The following JAKMIP1 variants were observed in gnomAD, a reference collection of about 807,000 sequenced individuals.
The protein encoded by JAKMIP1 is janus kinase and microtubule-interacting protein 1.
A neutral mutation model predicts 113.0 loss-of-function variants in JAKMIP1; 33 were observed. The observed-to-expected ratio is 0.29, with a 90% CI of 0.22 to 0.39. The LOEUF is 0.39. JAKMIP1 is among the 10% of genes least tolerant of loss of function. The pLI is 1.00. For missense variants in JAKMIP1, 813 were observed against 1,080.5 expected (o/e 0.75, Z 3.47); for synonymous variants, 480 against 459.9 (o/e 1.04, Z -0.56).
At chr4:6,125,157 A>G (rs750869806) in intron 1 of JAKMIP1, among the ~76,000 whole-genome samples, 2 of 151,988 alleles carry the variant, frequency 1.3e-5, no homozygotes, top group Non-Finnish European at 2.9e-5. Context: ...CATGGTGTGT[A>G]TGGTGTGTGT....
intron 1 of JAKMIP1, among the ~76,000 whole-genome samples, chr4:6,125,194 C>G (rs1015355612): frequency 6.6e-6 from 1 of 152,080 alleles, no homozygotes; most frequent in Non-Finnish European, 1.5e-5. Flanking sequence ...ACCACAGTCC[C>G]CAGCCCCAGC....
In JAKMIP1 at chr4:6,049,005, T is replaced by C. The variant is rs1397055501; in HGVS notation, c.1963-83A>G. 9.7e-7 allele frequency: 1 copy of C among 1,025,882 alleles called. No individual in the cohort carries two copies. The highest frequency in any genetic ancestry group is 1.9e-5 in the Admixed American group (1 of 52,564). 63.5% of individuals were successfully genotyped at this position (1,025,882 alleles called of 1,614,324 possible). A position where few individuals can be genotyped will look rare whatever the true frequency, so the allele number is the denominator to read the frequency against. On this transcript the variant is annotated intron_variant, in intron 15 of 20. Transcript: ENST00000409021. This position sits in a 1 kb window ranked among gnomAD's most constrained non-coding sequence, Gnocchi z 7.0. ...CAGTCAGCACCAAGCAAGTTTTTTT[T>C]TTTCGTTGTTGTTGTTTGTTTTATT...
In JAKMIP1 at chr4:6,148,028, C is replaced by A. The variant is rs114282352; in HGVS notation, c.-147-35031G>T. On this transcript the variant is annotated intron_variant, in intron 1 of 20. Transcript: ENST00000409021. ...CATTCCTTAGGAGCAAGGACCGTGT[C>A]TTAGTCATCTTTGTGCTCCTAGGAC... Among the ~76,000 whole-genome samples, 1,178 of 152,354 alleles carry A rather than the reference C, an allele frequency of 7.7e-3. 20 individuals are homozygous for A. The highest frequency in any genetic ancestry group is 0.026 in the African/African-American group (1,097 of 41,574).
At position 6,038,000 on chromosome 4, in the gene JAKMIP1, C is replaced by G. The variant is rs553427683; in HGVS notation, c.2176-1893G>C. 2.0e-3 allele frequency among the ~76,000 whole-genome samples: 257 copies of G among 130,078 alleles called. 16 individuals are homozygous for G. The highest frequency in any genetic ancestry group is 2.7e-3 in the Non-Finnish European group (172 of 63,636). The allele number at this position is 130,078 out of a possible 152,430, so 85.3% of individuals were successfully genotyped here. A position where few individuals can be genotyped will look rare whatever the true frequency, so the allele number is the denominator to read the frequency against. On this transcript the variant is annotated intron_variant, in intron 18 of 20. Transcript: ENST00000409021. ...GAGGCTAACCAGTAGCCCTCCATCA[C>G]TGAGGCAGAGGTTAACCCAGTAGCC...
Position 6,143,856 on chromosome 4 carries a change from C to G in JAKMIP1, c.-147-30859G>C, listed in dbSNP as rs973410580. On this transcript the variant is annotated intron_variant, in intron 1 of 20. Transcript: ENST00000409021. The surrounding 1 kb of genome is among the most constrained non-coding windows in gnomAD (Gnocchi z 4.9). ...GGAATAACAGAAGGCTTGTAGGACC[C>G]AGGCCAGGCAAGCCCCATCCCTTCC... Among the ~76,000 whole-genome samples, 1 of 152,202 alleles carries G rather than the reference C, an allele frequency of 6.6e-6. No homozygotes were observed. The highest frequency in any genetic ancestry group is 1.5e-5 in the Non-Finnish European group (1 of 68,038).
At chr4:6,035,234 C>T (rs73795703) in intron 19 of JAKMIP1, among the ~76,000 whole-genome samples, 4,871 of 152,098 alleles carry the variant, frequency 0.032, 235 homozygotes, top group African/African-American at 0.1. Context: ...GACCTTCAGA[C>T]ACATGAGTTA....
At chr4:6,117,749 C>G (rs547097838) in intron 1 of JAKMIP1, among the ~76,000 whole-genome samples, 1 of 152,024 alleles carries the variant, frequency 6.6e-6, no homozygotes, top group Non-Finnish European at 1.5e-5. Flanking sequence ...CAGAGACCTA[C>G]CCCTAGGTGC....
Position 6,200,061 on chromosome 4 carries a change from C to A in JAKMIP1, c.-148+192G>T, listed in dbSNP as rs905453850. On this transcript the variant is annotated intron_variant, in intron 1 of 20. Coordinates refer to ENST00000409021, the MANE Select transcript of JAKMIP1 (RefSeq NM_001099433.2). The surrounding 1 kb of genome is among the most constrained non-coding windows in gnomAD (Gnocchi z 7.0). ...ATGGGTATGGAAGGGTGGGGGACCA[C>A]TGAGGTGGGATGCGAGAGTGGAAGG... 7.1e-6 allele frequency among the ~76,000 whole-genome samples: 1 copy of A among 140,978 alleles called. No homozygotes were observed. Among genetic ancestry groups the A allele is most frequent in the Non-Finnish European group, 1.6e-5 (1 of 64,490 alleles). The allele number at this position is 140,978 out of a possible 152,430, so 92.5% of individuals were successfully genotyped here.
Position 6,049,924 on chromosome 4 carries a change from T to C in JAKMIP1, c.1909-52A>G, listed in dbSNP as rs545389228. The C allele has an allele frequency of 3.8e-6, 5 of 1,311,058 alleles. No individual in the cohort carries two copies. The highest frequency in any genetic ancestry group is 5.5e-6 in the Non-Finnish European group (5 of 909,324). 81.2% of individuals were successfully genotyped at this position (1,311,058 alleles called of 1,614,324 possible). A position where few individuals can be genotyped will look rare whatever the true frequency, so the allele number is the denominator to read the frequency against. ...TTGTGTGAGCTACAGAGACCAACCA[T>C]ACCAATTTCTAGGGCCACGGCCTTT... is the stretch of plus-strand genomic sequence containing the variant. On this transcript the variant is annotated intron_variant, in intron 14 of 20. Transcript: ENST00000409021. This position sits in a 1 kb window ranked among gnomAD's most constrained non-coding sequence, Gnocchi z 7.0.
intron 16 of JAKMIP1, among the ~76,000 whole-genome samples, chr4:6,046,509 C>T (rs1022190364): frequency 2.6e-5 from 4 of 151,992 alleles, no homozygotes; most frequent in African/African-American, 9.7e-5. Flanking sequence ...GCACAGCTCT[C>T]TAGCACGTAG....
chr4:6,072,765 G>GA (rs1296478195), intron 8 of JAKMIP1, among the ~76,000 whole-genome samples: 1 of 151,836 alleles, frequency 6.6e-6, no homozygotes, highest in African/African-American at 2.4e-5. Context: ...AACCATGAAG[G>GA]AAAAAATGGG....
intron 7 of JAKMIP1, 45 bp from the exon 8 acceptor site, chr4:6,079,043 C>G: frequency 6.2e-7 from 1 of 1,609,142 alleles, no homozygotes; most frequent in South Asian, 1.1e-5. Flanking sequence ...AGCCTCACAT[C>G]TCACAAACCA....
chr4:6,040,675 G>T lies in JAKMIP1; in HGVS notation c.2139C>A (p.Leu713=). ...SRQKGYLEEE[L]DYRKQALDQA... is the part of the protein sequence containing the mutation. ...GGTCAAGGGCTTGCTTCCGGTAGTC[G>T]AGCTCCTCTTCCAGGTAGCCCTTCT... Residue 713 remains leucine, a synonymous_variant, in exon 18 of 21, where the codon CTC becomes CTA. Transcript: ENST00000409021. This position sits in a 1 kb window ranked among gnomAD's most constrained non-coding sequence, Gnocchi z 5.8. 2 of 1,613,540 alleles carry T rather than the reference G, an allele frequency of 1.2e-6. No individual in the cohort carries two copies. Among genetic ancestry groups the T allele is most frequent in the Non-Finnish European group, 8.5e-7 (1 of 1,179,734 alleles).
At position 6,040,689 on chromosome 4, in the gene JAKMIP1, G is replaced by A. The variant is rs868498175; in HGVS notation, c.2125C>T (p.Leu709=). The stretch of plus-strand genomic sequence containing the variant: ...TTCCGGTAGTCGAGCTCCTCTTCCA[G>A]GTAGCCCTTCTGCCTGCTGAACAGG... ...KDLFSRQKGY[L]EEELDYRKQA... The change falls in exon 18 of 21, where the codon CTG becomes TTG. Residue 709 remains leucine (L), a synonymous_variant. Transcript: ENST00000409021. This position sits in a 1 kb window ranked among gnomAD's most constrained non-coding sequence, Gnocchi z 5.8. The A allele has an allele frequency of 6.2e-7, 1 of 1,613,616 alleles. No individual in the cohort carries two copies. The highest frequency in any genetic ancestry group is 8.5e-7 in the Non-Finnish European group (1 of 1,179,768).
rs2109065093 is a variant in JAKMIP1 at position 6,194,017 on chromosome 4, T to C, written c.-148+6236A>G. Among the ~76,000 whole-genome samples, 1 of 152,248 alleles carries C rather than the reference T, an allele frequency of 6.6e-6. No homozygotes were observed. The highest frequency in any genetic ancestry group is 2.1e-4 in the South Asian group (1 of 4,822). ...CACTTGCTATAACATGGGTGAACCC[T>C]GAAAATATCAGGCTAAGTGGAAGAA... On this transcript the variant is annotated intron_variant, in intron 1 of 20. Transcript: ENST00000409021. This position sits in a 1 kb window ranked among gnomAD's most constrained non-coding sequence, Gnocchi z 7.4.
In JAKMIP1 at chr4:6,056,744, C is replaced by A; in HGVS notation, c.1660G>T (p.Glu554Ter). ...GTTCTGATGAGCAGCTGCTTCTCTT[C>A]AACCCACTTGGAATCCTAAGGAAAA... is the stretch of plus-strand genomic sequence containing the variant. Reference protein sequence around the residue: ...VEKGQDSKWVEEKQLLIRTNQ... With the variant: ...VEKGQDSKWV Residue 554 changes from glutamate (E) to a stop codon, truncating the protein, a stop_gained, in exon 12 of 21, where the codon GAA becomes TAA. Transcript: ENST00000409021. LOFTEE classifies it high-confidence loss of function. 1 of 1,613,002 alleles carries A rather than the reference C, an allele frequency of 6.2e-7. No individual in the cohort carries two copies. Among genetic ancestry groups the A allele is most frequent in the South Asian group, 1.1e-5 (1 of 91,068 alleles).
intron 9 of JAKMIP1, among the ~76,000 whole-genome samples, chr4:6,063,035 G>A (rs1482949854): frequency 5.3e-5 from 8 of 152,134 alleles, no homozygotes; most frequent in Non-Finnish European, 1.2e-4. Context: ...CCAGCTACTC[G>A]GGAGGCTGAG....
At chr4:6,114,783 C>A (rs1046197304) in intron 1 of JAKMIP1, among the ~76,000 whole-genome samples, 1 of 152,232 alleles carries the variant, frequency 6.6e-6, no homozygotes, top group African/African-American at 2.4e-5. Context: ...TTCCTCACCT[C>A]GGCTGACCTG....
intron 12 of JAKMIP1, among the ~76,000 whole-genome samples, chr4:6,056,146 G>A (rs533147650): frequency 2.6e-5 from 4 of 151,058 alleles, no homozygotes; most frequent in African/African-American, 9.7e-5. Context: ...TAGAGAACAA[G>A]GAAGCTCTCC....
Sources: gnomAD v4.1 joint callset for allele counts (sites outside exome capture counted in the v4.1 genomes callset) on GRCh38, gnomAD v4.1.1 for gene constraint, Gnocchi (gnomAD v3.1) non-coding constraint, MANE v1.5 for transcripts, NCBI Gene and HGNC (gene_info 2026-07-23, HGNC 2026-07-21) for gene names.